The following ADPRHL1 variants were observed in gnomAD, a reference collection of about 807,000 sequenced individuals.
The protein encoded by ADPRHL1 is inactive ADP-ribosyltransferase ARH2.
Under a neutral mutation model 44.1 loss-of-function variants are expected in ADPRHL1, and 43 were observed. The ratio of observed to expected loss-of-function variants is 0.98; its 90% CI spans 0.76 to 1.26. The LOEUF (loss-of-function observed/expected upper bound fraction) is 1.26, where lower values mean the gene tolerates loss of function less well. ADPRHL1 is among the 50% of genes most tolerant of loss of function. The pLI, the probability that ADPRHL1 is intolerant of heterozygous loss-of-function variation, is 0.00. For synonymous variants in ADPRHL1, 878 were observed against 1,017.4 expected (o/e 0.86, Z 2.61); for missense variants, 2,022 against 2,496.9 (o/e 0.81, Z 4.05).
In ADPRHL1 at chr13:113,405,866, C is replaced by T. The variant is rs181887145; in HGVS notation, c.3416G>A (p.Arg1139His). ...CAGCGTCTCTGGCTCTCCCGCTGTGCGGTCTCCAGGGCTCTGGGTGCTGCC... is the reference window on the plus strand; with the variant it reads ...CAGCGTCTCTGGCTCTCCCGCTGTGTGGTCTCCAGGGCTCTGGGTGCTGCC... ...APGSTQSPGD[R>H]TAGEPETLGQ... Residue 1139 changes from arginine (R) to histidine (H), a missense_variant, in exon 8 of 8, where the codon CGC becomes CAC. Arg to His is a conservative substitution (Grantham distance 29). Transcript: ENST00000612156. The T allele has an allele frequency of 4.5e-5, 55 of 1,231,978 alleles. 1 individual carries two copies. In the Admixed American group the frequency reaches 1.1e-3, roughly 24 times the overall value. The allele number at this position is 1,231,978 out of a possible 1,614,324, so 76.3% of individuals were successfully genotyped here.
At position 113,406,910 on chromosome 13, in the gene ADPRHL1, C is replaced by G. The variant is rs1389675922; in HGVS notation, c.2372G>C (p.Arg791Thr). 10 of 1,232,072 alleles carry G rather than the reference C, an allele frequency of 8.1e-6. No individual in the cohort carries two copies. Among genetic ancestry groups the G allele is most frequent in the Non-Finnish European group, 1.0e-5 (10 of 988,124 alleles). 76.3% of individuals were successfully genotyped at this position (1,232,072 alleles called of 1,614,324 possible). Residue 791 changes from arginine to threonine, a missense_variant, in exon 8 of 8, where the codon AGG (arginine) becomes ACG (threonine). Coordinates refer to ENST00000612156, the MANE Select transcript of ADPRHL1 (RefSeq NM_001394807.1). ...TGGGTCTGGGAAGCCTGCTCCTTCC[C>G]TTTCATCCTCTGAACTGCAAACAGT... is the stretch of plus-strand genomic sequence containing the variant. ...TMTVCSSEDE[R>T]EGAGFPDPGR... is the part of the protein sequence containing the mutation.
At position 113,425,170 on chromosome 13, in the gene ADPRHL1, T is replaced by C; in HGVS notation, c.656A>G (p.Glu219Gly). 1 of 1,605,360 alleles carries C rather than the reference T, an allele frequency of 6.2e-7. No homozygotes were observed. The highest frequency in any genetic ancestry group is 8.5e-7 in the Non-Finnish European group (1 of 1,175,672). Residue 219 changes from glutamate to glycine, a missense_variant, in exon 5 of 8, where the codon GAG becomes GGG. By Grantham distance (98) the Glu-to-Gly change is moderately conservative (BLOSUM62 -2). Around this residue, in one of 8 missense-constraint regions of ADPRHL1, gnomAD observed 437 missense variants for 430.7 expected, o/e 1.01. Transcript: ENST00000612156. ...KTIRHTAEYQ[E>G]HWFYFEAKWQ... is the part of the protein sequence containing the mutation. ...TTTAGCTTCAAAGTAAAACCAGTGC[T>C]CCTGGTATTCTAAACATAAAGAACA...
At chr13:113,446,201 C>A (rs1170738210) in intron 1 of ADPRHL1, among the ~76,000 whole-genome samples, 1 of 142,322 alleles carries the variant, frequency 7.0e-6, no homozygotes, top group Non-Finnish European at 1.5e-5. Flanking sequence ...AGCAGGGCCC[C>A]TTGGCTGTGA....
In ADPRHL1 at chr13:113,407,807, C is replaced by G. The variant is rs527782869; in HGVS notation, c.1475G>C (p.Arg492Pro). ...APKPCLSEKP[R>P]WGHPAGKSTV... ...GCTCTTCCCGGCCGGGTGGCCCCAG[C>G]GGGGCTTCTCGCTGAGGCAGGGCTT... Residue 492 changes from arginine to proline, a missense_variant, in exon 8 of 8, where the codon CGC becomes CCC. Arg to Pro is a moderately radical substitution (Grantham distance 103, BLOSUM62 -2). Coordinates refer to ENST00000612156, the MANE Select transcript of ADPRHL1 (RefSeq NM_001394807.1). 8 of 1,231,942 alleles carry G rather than the reference C, an allele frequency of 6.5e-6. No homozygotes were observed. The East Asian group carries it at 2.5e-4, about 39-fold the overall frequency. 76.3% of individuals were successfully genotyped at this position (1,231,942 alleles called of 1,614,324 possible).
rs551801748 is a variant in ADPRHL1, at chr13:113,444,697, A to G, written c.215-108T>C. The G allele has an allele frequency of 1.2e-4, 160 of 1,355,272 alleles. No individual in the cohort carries two copies. The African/African-American group carries it at 2.0e-3, about 17-fold the overall frequency. 84.0% of individuals were successfully genotyped at this position (1,355,272 alleles called of 1,614,324 possible). A position where few individuals can be genotyped will look rare whatever the true frequency, so the allele number is the denominator to read the frequency against. ...TCTGGGGAAGAAAGGGAGGGCAGACACTGCAAACTCTGCCTCCCGGGTTCA... is the reference window on the plus strand; with the variant it reads ...TCTGGGGAAGAAAGGGAGGGCAGACGCTGCAAACTCTGCCTCCCGGGTTCA... On this transcript the variant is annotated intron_variant, in intron 1 of 7. Coordinates refer to ENST00000612156, the MANE Select transcript of ADPRHL1 (RefSeq NM_001394807.1).
chr13:113,424,463 C>T, intron 5 of ADPRHL1, 114 bp from the exon 6 acceptor site: 5 of 1,438,992 alleles, frequency 3.5e-6, no homozygotes, highest in Admixed American at 4.2e-5. Context: ...TCCATCCACC[C>T]TTTTCTTTTT....
Position 113,407,955 on chromosome 13 carries a change from G to A in ADPRHL1, c.1327C>T (p.Arg443Cys), listed in dbSNP as rs947576453. Residue 443 changes from arginine to cysteine, a missense_variant, in exon 8 of 8, where the codon CGC becomes TGC. Around this residue, in one of 8 missense-constraint regions of ADPRHL1, gnomAD observed 1,221 missense variants for 1,517.8 expected, o/e 0.80. Coordinates refer to ENST00000612156, the MANE Select transcript of ADPRHL1 (RefSeq NM_001394807.1). ...ACCTCCCTGGTCCTCTTGAGGTAGC[G>A]CTCCCGGCCAGTGCCCAGGAACTTG... is the stretch of plus-strand genomic sequence containing the variant. ...QAKFLGTGRERYLKRTREVGR... is the reference protein window; with the variant it reads ...QAKFLGTGRECYLKRTREVGR... 2.3e-5 allele frequency: 28 copies of A among 1,231,970 alleles called. No individual in the cohort carries two copies. The highest frequency in any genetic ancestry group is 4.2e-5 in the Admixed American group (1 of 23,730). The allele number at this position is 1,231,970 out of a possible 1,614,324, so 76.3% of individuals were successfully genotyped here.
chr13:113,404,789 C>G lies in ADPRHL1; in HGVS notation c.4493G>C (p.Gly1498Ala), dbSNP rs993875801. Residue 1498 changes from glycine (G) to alanine (A), a missense_variant, in exon 8 of 8, where the codon GGA becomes GCA. By Grantham distance (60) the Gly-to-Ala change is moderately conservative (BLOSUM62 0). Coordinates refer to ENST00000612156, the MANE Select transcript of ADPRHL1 (RefSeq NM_001394807.1). Reference sequence around the variant, plus strand: ...TTCTTGAGCGTGTCCCTGAACCTGTCCCCGGTCCCATTCCTGAACCTGTTT... The same window carrying G: ...TTCTTGAGCGTGTCCCTGAACCTGTGCCCGGTCCCATTCCTGAACCTGTTT... ...AQKQVQEWDRGQVQGHAQEQA... is the reference protein window; with the variant it reads ...AQKQVQEWDRAQVQGHAQEQA... 8.0e-7 allele frequency: 1 copy of G among 1,254,852 alleles called. No individual in the cohort carries two copies. Among genetic ancestry groups the G allele is most frequent in the African/African-American group, 1.5e-5 (1 of 64,546 alleles). 77.7% of individuals were successfully genotyped at this position (1,254,852 alleles called of 1,614,324 possible).
At chr13:113,429,438 G>A (rs1369372788) in intron 3 of ADPRHL1, among the ~76,000 whole-genome samples, 3 of 152,200 alleles carry the variant, frequency 2.0e-5, no homozygotes, top group Admixed American at 6.5e-5. Flanking sequence ...CCTTTGTGGC[G>A]GGCGTGTTCC....
intron 2 of ADPRHL1, 101 bp downstream of exon 2, chr13:113,444,324 A>G: frequency 6.7e-7 from 1 of 1,484,304 alleles, no homozygotes; most frequent in Non-Finnish European, 9.2e-7. Context: ...GGCCTCACTG[A>G]AGCCACCTGG....
Position 113,408,071 on chromosome 13 carries a change from G to T in ADPRHL1, c.1211C>A (p.Pro404Gln). ...LYVTGRADRP[P>Q]GTEAGGSRPS... ...CCTGCTCCCCCCGGCCTCTGTCCCC[G>T]GGGGCCGGTCTGCGCGGCCCGTGAC... Residue 404 changes from proline to glutamine, a missense_variant, in exon 8 of 8, where the codon CCG becomes CAG. Pro to Gln is a moderately conservative substitution (Grantham distance 76, BLOSUM62 -1). Around this residue, in one of 8 missense-constraint regions of ADPRHL1, gnomAD observed 1,221 missense variants for 1,517.8 expected, o/e 0.80. Transcript: ENST00000612156. 1 of 1,232,030 alleles carries T rather than the reference G, an allele frequency of 8.1e-7. No homozygotes were observed. The highest frequency in any genetic ancestry group is 1.0e-6 in the Non-Finnish European group (1 of 987,962). 76.3% of individuals were successfully genotyped at this position (1,232,030 alleles called of 1,614,324 possible).
In ADPRHL1 at chr13:113,431,870, C is replaced by T. The variant is rs1460406497; in HGVS notation, c.505+1872G>A. Among the ~76,000 whole-genome samples the T allele has an allele frequency of 3.9e-5, 6 of 152,056 alleles. No individual in the cohort carries two copies. The East Asian group carries it at 7.7e-4, about 20-fold the overall frequency. On this transcript the variant is annotated intron_variant, in intron 3 of 7. Coordinates refer to ENST00000612156, the MANE Select transcript of ADPRHL1 (RefSeq NM_001394807.1). ...AGCTGGGATTACAGGCATGCACCAC[C>T]GTGCCCAGCTAATTTTTGTATTTTT...
In ADPRHL1 at chr13:113,410,779, C is replaced by T. The variant is rs117922564; in HGVS notation, c.1062-2559G>A. On this transcript the variant is annotated intron_variant, in intron 7 of 7. Coordinates refer to ENST00000612156, the MANE Select transcript of ADPRHL1 (RefSeq NM_001394807.1). The stretch of plus-strand genomic sequence containing the variant: ...GGAGGGCAGAGGAGCAGGCCGACCT[C>T]GGGGTTGGGGGACCAGCCTGGGGGC... Among the ~76,000 whole-genome samples the T allele has an allele frequency of 6.1e-3, 924 of 152,308 alleles. 27 individuals are homozygous for T. Among genetic ancestry groups the T allele is most frequent in the East Asian group, 0.033 (169 of 5,174 alleles).
Position 113,400,172 on chromosome 13 carries a change from G to C in ADPRHL1, c.*3206C>G, listed in dbSNP as rs1357738817. On this transcript the variant is annotated 3_prime_UTR_variant, in exon 8 of 8. Coordinates refer to ENST00000612156, the MANE Select transcript of ADPRHL1 (RefSeq NM_001394807.1). Reference sequence around the variant, plus strand: ...TCTTTTTTTTTTTTTTTTTGACGGAGTCTCGCTCTGTCACCCAGGCTGGAG... The same window carrying C: ...TCTTTTTTTTTTTTTTTTTGACGGACTCTCGCTCTGTCACCCAGGCTGGAG... 7.2e-6 allele frequency: 1 copy of C among 138,302 alleles called. No individual in the cohort carries two copies. The highest frequency in any genetic ancestry group is 1.5e-5 in the Non-Finnish European group (1 of 64,950). The allele number at this position is 138,302 out of a possible 1,614,324, so 8.6% of individuals were successfully genotyped here. A position where few individuals can be genotyped will look rare whatever the true frequency, so the allele number is the denominator to read the frequency against.
rs2043935712 is a variant in ADPRHL1 at position 113,422,823 on chromosome 13, T to C, written c.1061+3A>G. On this transcript the variant is annotated splice_donor_region_variant and intron_variant, in intron 7 of 7. Coordinates refer to ENST00000612156, the MANE Select transcript of ADPRHL1 (RefSeq NM_001394807.1). ...AGGGGGAAAGTGGCAGAAATGGCTT[T>C]ACTTCTCCTCTGTGGACAGGCGGTA... 6.2e-7 allele frequency: 1 copy of C among 1,612,722 alleles called. No homozygotes were observed. The highest frequency in any genetic ancestry group is 1.1e-5 in the South Asian group (1 of 91,086).
chr13:113,449,011 T>TA, intron 1 of ADPRHL1: 1 of 986,422 alleles, frequency 1.0e-6, no homozygotes. Flanking sequence ...GCTAAACGCT[T>TA]GCCAAGTGAC....
At chr13:113,423,399 G>A (rs1338420352) in intron 6 of ADPRHL1, among the ~76,000 whole-genome samples, 2 of 152,224 alleles carry the variant, frequency 1.3e-5, no homozygotes, top group Non-Finnish European at 2.9e-5. Flanking sequence ...GGAAGGCAGA[G>A]GGAGGGGAGC....
Position 113,409,696 on chromosome 13 carries a change from A to C in ADPRHL1, c.1062-1476T>G, listed in dbSNP as rs1040435053. 2 of 807,260 alleles carry C rather than the reference A, an allele frequency of 2.5e-6. No individual in the cohort carries two copies. Among genetic ancestry groups the C allele is most frequent in the Non-Finnish European group, 3.0e-6 (2 of 667,602 alleles). The allele number at this position is 807,260 out of a possible 1,614,324, so 50.0% of individuals were successfully genotyped here. A position where few individuals can be genotyped will look rare whatever the true frequency, so the allele number is the denominator to read the frequency against. ...GGTCAGGAGATCGAGACCATCCTGG[A>C]TAACACGGTGAAACCCCGTCTCTAC... On this transcript the variant is annotated intron_variant, in intron 7 of 7. Coordinates refer to ENST00000612156, the MANE Select transcript of ADPRHL1 (RefSeq NM_001394807.1). This position sits in a 1 kb window ranked among gnomAD's most constrained non-coding sequence, Gnocchi z 4.2.
chr13:113,437,554 G>C (rs1240486865), intron 2 of ADPRHL1, among the ~76,000 whole-genome samples: 1 of 152,232 alleles, frequency 6.6e-6, no homozygotes, highest in African/African-American at 2.4e-5. Context: ...ACAGAATCAC[G>C]GAGAACGTGC....
Sources: allele counts gnomAD v4.1 joint callset (sites outside exome capture counted in the v4.1 genomes callset), GRCh38; gene constraint gnomAD v4.1.1; regional missense constraint gnomAD v4.1.1; non-coding constraint Gnocchi (gnomAD v3.1); transcripts MANE v1.5; gene names NCBI Gene and HGNC (gene_info 2026-07-23, HGNC 2026-07-21).